Variants in SPATA22 observed in about 807,000 individuals in gnomAD.
SPATA22 encodes the protein spermatogenesis-associated protein 22.
A neutral mutation model predicts 47.8 loss-of-function variants in SPATA22; 29 were observed. The observed-to-expected ratio is 0.61, with a 90% CI of 0.45 to 0.83. The LOEUF is 0.83. Among genes scored for constraint, SPATA22 ranks in the 40% least tolerant of loss-of-function variants. The pLI, the probability that SPATA22 is intolerant of heterozygous loss-of-function variation, is 0.00. For missense variants in SPATA22, 410 were observed against 421.7 expected (o/e 0.97, Z 0.24); for synonymous variants, 133 against 140.9 (o/e 0.94, Z 0.40).
intron 2 of SPATA22, among the ~76,000 whole-genome samples, 197 bp downstream of exon 2, chr17:3,469,086 A>G (rs1367646622): frequency 6.6e-6 from 1 of 152,170 alleles, no homozygotes; most frequent in Non-Finnish European, 1.5e-5. Flanking sequence ...TAAATCTAAG[A>G]AACTTTGATC....
Position 3,507,062 on chromosome 17 carries a change from G to A in SPATA22, c.-74+6350C>T, listed in dbSNP as rs996331099. 1.4e-4 allele frequency among the ~76,000 whole-genome samples: 21 copies of A among 152,150 alleles called. 1 individual carries two copies. The highest frequency in any genetic ancestry group is 4.8e-4 in the African/African-American group (20 of 41,504). On this transcript the variant is annotated intron_variant, in intron 1 of 8. Coordinates refer to the SPATA22 transcript ENST00000541913. ...AAGGCAACCAAAGCTTAGGAATGTG[G>A]GTGCAAATAAATTCACAGGTTTGGT...
At position 3,467,462 on chromosome 17, in the gene SPATA22, G is replaced by A. The variant is rs2073340296; in HGVS notation, c.136C>T (p.Pro46Ser). The A allele has an allele frequency of 6.2e-7, 1 of 1,607,138 alleles. No individual in the cohort carries two copies. ...PLKDDSGIST[P>S]SDNYDFPPLP... ...GGAGGAAAATCATAATTGTCAGAAG[G>A]GGTACTGATACCTGAATCATCTTTA... The change falls in exon 3 of 9, where the codon CCT becomes TCT. Residue 46 changes from proline to serine, a missense_variant. Coordinates refer to ENST00000572969, the MANE Select transcript of SPATA22 (RefSeq NM_001170698.2).
intron 1 of SPATA22, chr17:3,489,104 A>T: frequency 1.6e-6 from 1 of 618,584 alleles, no homozygotes; most frequent in Non-Finnish European, 2.8e-6. Context: ...AATATTTTCC[A>T]TGATGCTACA....
At chr17:3,507,035 C>G (rs111782974) in intron 1 of SPATA22, among the ~76,000 whole-genome samples, 84 of 149,120 alleles carry the variant, frequency 5.6e-4, no homozygotes, top group African/African-American at 1.5e-3. Context: ...AGTGGGGAGG[C>G]GAAGGCAACC....
chr17:3,443,788 T>C (rs1016787633), intron 7 of SPATA22, among the ~76,000 whole-genome samples: 1 of 151,960 alleles, frequency 6.6e-6, no homozygotes, highest in African/African-American at 2.4e-5. Flanking sequence ...TTCATATACA[T>C]ACAATATATT....
intron 1 of SPATA22, among the ~76,000 whole-genome samples, chr17:3,495,828 A>G (rs1354694738): frequency 1.3e-5 from 2 of 152,180 alleles, no homozygotes; most frequent in African/African-American, 4.8e-5. Flanking sequence ...CGGCCTCCCA[A>G]AGTGGTGGGA....
intron 7 of SPATA22, among the ~76,000 whole-genome samples, chr17:3,445,816 T>C (rs990655455): frequency 2.0e-4 from 31 of 152,188 alleles, no homozygotes; most frequent in African/African-American, 6.7e-4. Context: ...TACATATATA[T>C]ATATAACAGG....
At chr17:3,477,746 G>A (rs1316611894) in intron 1 of SPATA22, among the ~76,000 whole-genome samples, 4 of 152,028 alleles carry the variant, frequency 2.6e-5, no homozygotes, top group African/African-American at 2.4e-5. Context: ...GAGCCACCGC[G>A]CTGGGCCGCT....
chr17:3,471,997 G>T, upstream of SPATA22: 1 of 361,394 alleles, frequency 2.8e-6, no homozygotes, highest in Non-Finnish European at 3.8e-6. Context: ...TTTGCCCAGA[G>T]AGGAAAGGAG....
At chr17:3,453,584 C>T (rs921409334) in intron 5 of SPATA22, among the ~76,000 whole-genome samples, 5 of 151,960 alleles carry the variant, frequency 3.3e-5, no homozygotes, top group East Asian at 3.9e-4. Flanking sequence ...AGATCCAGTA[C>T]GACGCAAGGA....
chr17:3,443,128 A>C, intron 8 of SPATA22, 46 bp downstream of exon 8: 1 of 1,314,436 alleles, frequency 7.6e-7, no homozygotes, highest in Non-Finnish European at 1.1e-6. Context: ...GCATGTTTAT[A>C]TTCTGTTGAC....
chr17:3,440,310 C>T lies in SPATA22; in HGVS notation c.929G>A (p.Gly310Asp). 1 of 1,577,844 alleles carries T rather than the reference C, an allele frequency of 6.3e-7. No individual in the cohort carries two copies. Among genetic ancestry groups the T allele is most frequent in the Non-Finnish European group, 8.6e-7 (1 of 1,159,422 alleles). ...IDRELPRLIR[G>D]RVHRCVGNYD... ...GTTGCCAACACATCTATGAACTCGG[C>T]CTCTAATCAGTCTCGGAAGTTCACG... The change falls in exon 9 of 9, where the codon GGC becomes GAC. Residue 310 changes from glycine to aspartate, a missense_variant. Coordinates refer to ENST00000572969, the MANE Select transcript of SPATA22 (RefSeq NM_001170698.2).
chr17:3,467,475 T>C lies in SPATA22; in HGVS notation c.123A>G (p.Ser41=). The part of the protein sequence containing the change: ...PLTSNPLKDD[S]GISTPSDNYD... ...AATTGTCAGAAGGGGTACTGATACC[T>C]GAATCATCTTTAAGTGGATTAGAAG... The change falls in exon 3 of 9, where the codon TCA becomes TCG. Residue 41 remains serine, a synonymous_variant. Transcript: ENST00000572969. The C allele has an allele frequency of 6.2e-7, 1 of 1,609,224 alleles. No homozygotes were observed. Among genetic ancestry groups the C allele is most frequent in the Non-Finnish European group, 8.5e-7 (1 of 1,177,620 alleles).
At chr17:3,457,473 A>G (rs1260311079) in intron 5 of SPATA22, among the ~76,000 whole-genome samples, 4 of 151,694 alleles carry the variant, frequency 2.6e-5, no homozygotes, top group African/African-American at 9.7e-5. Context: ...CAGAAATAGA[A>G]AAAACAATCC....
upstream of SPATA22, chr17:3,476,370 C>A: frequency 6.2e-7 from 1 of 1,614,034 alleles, no homozygotes; most frequent in Non-Finnish European, 8.5e-7. Flanking sequence ...TGACCTGAAT[C>A]GCATTTTTGA....
intron 7 of SPATA22, among the ~76,000 whole-genome samples, chr17:3,444,106 T>C (rs951859828): frequency 6.6e-6 from 1 of 152,028 alleles, no homozygotes; most frequent in African/African-American, 2.4e-5. Flanking sequence ...GTAATTCATG[T>C]TTATCTCAAG....
intron 1 of SPATA22, among the ~76,000 whole-genome samples, chr17:3,483,234 G>T (rs2073664806): frequency 6.6e-6 from 1 of 152,016 alleles, no homozygotes; most frequent in South Asian, 2.1e-4. Flanking sequence ...CATGTTTTTT[G>T]ATCATGGTTC....
At chr17:3,494,872 A>G (rs2073884313) in intron 1 of SPATA22, among the ~76,000 whole-genome samples, 1 of 152,172 alleles carries the variant, frequency 6.6e-6, no homozygotes, top group Admixed American at 6.6e-5. Context: ...AAATACAGGG[A>G]CGGAAGTTAG....
At position 3,483,584 on chromosome 17, in the gene SPATA22, A is replaced by T; in HGVS notation, c.-73-14186T>A. The T allele has an allele frequency of 1.9e-6, 3 of 1,612,398 alleles. No homozygotes were observed. Among genetic ancestry groups the T allele is most frequent in the Non-Finnish European group, 2.5e-6 (3 of 1,178,378 alleles). On this transcript the variant is annotated intron_variant, in intron 1 of 8. Transcript: ENST00000541913. ...GCGACCACTCGTTCCATAGCCAAGT[A>T]TCCTGTGGGTAAGTCATAGTTCCCA...
Sources: gnomAD v4.1 joint callset for allele counts (sites outside exome capture counted in the v4.1 genomes callset) on GRCh38, gnomAD v4.1.1 for gene constraint, MANE v1.5 for transcripts, NCBI Gene and HGNC (gene_info 2026-07-23, HGNC 2026-07-21) for gene names.